Variants in SCHIP1 observed in about 807,000 individuals in gnomAD.
SCHIP1 encodes schwannomin interacting protein 1.
Under a neutral mutation model 29.7 loss-of-function variants are expected in SCHIP1, and 8 were observed. The ratio of observed to expected loss-of-function variants is 0.27; its 90% CI spans 0.16 to 0.49. The LOEUF (loss-of-function observed/expected upper bound fraction) is 0.49. SCHIP1 is among the 20% of genes least tolerant of loss of function. The pLI, the probability that SCHIP1 is intolerant of heterozygous loss-of-function variation, is 0.99. For missense variants in SCHIP1, 193 were observed against 294.6 expected (o/e 0.66, Z 2.52); for synonymous variants, 76 against 94.9 (o/e 0.80, Z 1.16).
the SCHIP1 span, among the ~76,000 whole-genome samples, chr3:159,607,908 A>C: frequency 2.0e-5 from 3 of 152,220 alleles, no homozygotes; most frequent in Non-Finnish European, 4.4e-5. Context: ...GCTGAGTGCC[A>C]CTTGTGGCTT....
At chr3:159,604,918 A>G in the SCHIP1 span, among the ~76,000 whole-genome samples, 1 of 152,246 alleles carries the variant, frequency 6.6e-6, no homozygotes, top group African/African-American at 2.4e-5. Flanking sequence ...CGCCACTAAA[A>G]TGACCAAATT....
chr3:159,797,538 C>T, the SCHIP1 span, among the ~76,000 whole-genome samples: 10 of 151,552 alleles, frequency 6.6e-5, no homozygotes, highest in African/African-American at 2.4e-4. Context: ...ACTTACATTT[C>T]TCAAAAAACA....
At chr3:159,522,886 A>C in the SCHIP1 span, among the ~76,000 whole-genome samples, 1 of 152,164 alleles carries the variant, frequency 6.6e-6, no homozygotes, top group Non-Finnish European at 1.5e-5. Flanking sequence ...AAAACAAAAC[A>C]AAACAAAAAC....
chr3:159,424,461 G>A, the SCHIP1 span, among the ~76,000 whole-genome samples: 3 of 152,164 alleles, frequency 2.0e-5, no homozygotes, highest in African/African-American at 7.2e-5. Context: ...TGAAATGAAT[G>A]AAATGAAGTG....
chr3:159,659,892 G>A, the SCHIP1 span, among the ~76,000 whole-genome samples: 6 of 152,094 alleles, frequency 3.9e-5, no homozygotes, highest in African/African-American at 1.2e-4. Flanking sequence ...ATAGGGGAGG[G>A]GGCTTCTGGA....
chr3:159,739,899 A>T, the SCHIP1 span, among the ~76,000 whole-genome samples: 1 of 152,230 alleles, frequency 6.6e-6, no homozygotes, highest in East Asian at 1.9e-4. Context: ...TGAAAGAGTA[A>T]CATTGAACAT....
At chr3:159,399,404 A>G in the SCHIP1 span, among the ~76,000 whole-genome samples, 8 of 152,310 alleles carry the variant, frequency 5.3e-5, no homozygotes, top group African/African-American at 1.9e-4. Context: ...AGGAAGGTCC[A>G]TATGGGCAAG....
chr3:159,783,438 C>G, the SCHIP1 span, among the ~76,000 whole-genome samples: 2 of 152,232 alleles, frequency 1.3e-5, no homozygotes, highest in African/African-American at 4.8e-5. Flanking sequence ...ACCAAAATCA[C>G]TCCCTTACCT....
the SCHIP1 span, among the ~76,000 whole-genome samples, chr3:159,413,907 A>G: frequency 2.0e-5 from 3 of 152,234 alleles, no homozygotes; most frequent in African/African-American, 7.2e-5. Context: ...GTTTAAACAC[A>G]TATATCAACT....
the SCHIP1 span, among the ~76,000 whole-genome samples, chr3:159,665,546 T>TTGTGTGTG: frequency 8.4e-4 from 124 of 147,560 alleles, no homozygotes; most frequent in African/African-American, 3.0e-3. Context: ...GTTTTTGGGG[T>TTGTGTGTG]TGTGTGTGTG....
At chr3:159,552,212 G>C in the SCHIP1 span, among the ~76,000 whole-genome samples, 1 of 151,352 alleles carries the variant, frequency 6.6e-6, no homozygotes, top group Non-Finnish European at 1.5e-5. Context: ...CGTCTAGCTG[G>C]TTTTTGTATT....
the SCHIP1 span, among the ~76,000 whole-genome samples, chr3:159,664,882 A>C: frequency 6.6e-6 from 1 of 152,236 alleles, no homozygotes; most frequent in African/African-American, 2.4e-5. Context: ...ACTTTTGAGA[A>C]ATGCAGATTC....
the SCHIP1 span, among the ~76,000 whole-genome samples, chr3:159,673,131 CCCAGTTGT>C: frequency 1.3e-5 from 2 of 152,208 alleles, no homozygotes; most frequent in African/African-American, 4.8e-5. Flanking sequence ...ACACAAAAAT[CCCAGTTGT>C]CCAGTGACAC....
chr3:159,852,183 C>T (rs1004455206), intron 1 of SCHIP1, among the ~76,000 whole-genome samples: 3 of 152,146 alleles, frequency 2.0e-5, no homozygotes, highest in Non-Finnish European at 4.4e-5. Context: ...CTTGAATAGC[C>T]TTTTTGCTTT....
the SCHIP1 span, among the ~76,000 whole-genome samples, chr3:159,579,199 A>G: frequency 6.6e-6 from 1 of 152,236 alleles, no homozygotes; most frequent in African/African-American, 2.4e-5. Context: ...AATGTAATAT[A>G]AACAGGTTTT....
At chr3:159,500,418 GA>G in the SCHIP1 span, among the ~76,000 whole-genome samples, 1 of 151,872 alleles carries the variant, frequency 6.6e-6, no homozygotes, top group African/African-American at 2.4e-5. Flanking sequence ...GCCCTTAAAA[GA>G]AAAAAGAGAC....
At chr3:159,405,168 A>C in the SCHIP1 span, among the ~76,000 whole-genome samples, 1 of 152,136 alleles carries the variant, frequency 6.6e-6, no homozygotes, top group Non-Finnish European at 1.5e-5. Flanking sequence ...TTCCCAAGAA[A>C]AACAGGTACA....
At chr3:159,673,445 G>C in the SCHIP1 span, among the ~76,000 whole-genome samples, 1 of 152,230 alleles carries the variant, frequency 6.6e-6, no homozygotes, top group Non-Finnish European at 1.5e-5. Flanking sequence ...GCTTTGGAAT[G>C]TGTTGATTAA....
the SCHIP1 span, among the ~76,000 whole-genome samples, chr3:159,566,652 C>A: frequency 3.7e-3 from 560 of 152,190 alleles, 4 homozygotes; most frequent in African/African-American, 0.013. Flanking sequence ...AAGAGCATTC[C>A]AGGCAGAATA....
Sources: allele counts gnomAD v4.1 joint callset (sites outside exome capture counted in the v4.1 genomes callset), GRCh38; gene constraint gnomAD v4.1.1; transcripts MANE v1.5; gene names NCBI Gene and HGNC (gene_info 2026-07-23, HGNC 2026-07-21).